SCRN1: variants seen among roughly 807,000 people sequenced by gnomAD.
SCRN1 encodes secernin-1.
A neutral mutation model predicts 43.3 loss-of-function variants in SCRN1; 19 were observed. The observed-to-expected ratio is 0.44, with a 90% CI of 0.31 to 0.64. SCRN1 has a LOEUF of 0.64. Among genes scored for constraint, SCRN1 ranks in the 30% least tolerant of loss-of-function variants. The pLI is 0.09. For missense variants in SCRN1, 447 were observed against 524.1 expected, an observed-to-expected ratio of 0.85 and a Z score of 1.44; for synonymous variants, 183 against 188.9, an observed-to-expected ratio of 0.97 and a Z score of 0.26.
At chr7:29,986,417 TTCA>T (rs1157320724) in intron 1 of SCRN1, among the ~76,000 whole-genome samples, 2 of 152,136 alleles carry the variant, frequency 1.3e-5, no homozygotes, top group African/African-American at 2.4e-5. Flanking sequence ...AAATTCTTTC[TTCA>T]TATTAAATTT....
intron 1 of SCRN1, among the ~76,000 whole-genome samples, chr7:29,982,784 G>A (rs1789029621): frequency 6.6e-6 from 1 of 151,358 alleles, no homozygotes; most frequent in South Asian, 2.1e-4. Context: ...ACTCCAAAAT[G>A]CTCTTAAACA....
At chr7:29,928,464 CTAATT>C (rs1332974719) in intron 6 of SCRN1, among the ~76,000 whole-genome samples, 1 of 152,192 alleles carries the variant, frequency 6.6e-6, no homozygotes, top group South Asian at 2.1e-4. Flanking sequence ...GGGGCCCAGA[CTAATT>C]TAATTTGAGT....
At position 29,923,726 on chromosome 7, in the gene SCRN1, G is replaced by A. The variant is rs975321021; in HGVS notation, c.*231C>T. On this transcript the variant is annotated 3_prime_UTR_variant, in exon 8 of 8. Coordinates refer to ENST00000242059, the MANE Select transcript of SCRN1 (RefSeq NM_014766.5). ...AAAATCCACAATTAGTCACACAACC[G>A]AACAACAGGCAACGGGATACATGTT... 8 of 448,990 alleles carry A rather than the reference G, an allele frequency of 1.8e-5. No homozygotes were observed. The highest frequency in any genetic ancestry group is 7.9e-5 in the Admixed American group (2 of 25,424). 27.8% of individuals were successfully genotyped at this position (448,990 alleles called of 1,614,324 possible).
intron 1 of SCRN1, among the ~76,000 whole-genome samples, chr7:29,979,901 G>A (rs113051113): frequency 0.019 from 2,917 of 152,182 alleles, 40 homozygotes; most frequent in East Asian, 0.041. Context: ...ATGGCAGGTT[G>A]GAAAACAATT....
intron 2 of SCRN1, among the ~76,000 whole-genome samples, chr7:29,959,757 G>A (rs1788246080): frequency 1.3e-5 from 2 of 151,950 alleles, no homozygotes; most frequent in Admixed American, 1.3e-4. Flanking sequence ...AAGATCTTTG[G>A]GGAGGAACAA....
At position 29,944,010 on chromosome 7, in the gene SCRN1, T is replaced by G. The variant is rs957350306; in HGVS notation, c.511A>C (p.Ile171Leu). The part of the protein sequence containing the change: ...DRDEAWVLET[I>L]GKYWAAEKVT... Reference sequence around the variant, plus strand: ...TTCTCGGCAGCCCAGTACTTCCCTATGGTCTCGAGCACCCAGGCTTCATCA... The same window carrying G: ...TTCTCGGCAGCCCAGTACTTCCCTAGGGTCTCGAGCACCCAGGCTTCATCA... The change falls in exon 4 of 8, where the codon ATA becomes CTA. Residue 171 changes from isoleucine (I) to leucine (L), a missense_variant. Physicochemically the swap from Ile to Leu is conservative, Grantham distance 5. Transcript: ENST00000242059. 2 of 1,614,208 alleles carry G rather than the reference T, an allele frequency of 1.2e-6. No homozygotes were observed. Among genetic ancestry groups the G allele is most frequent in the South Asian group, 1.1e-5 (1 of 91,084 alleles).
At chr7:29,926,236 CA>C (rs1786947782) in intron 7 of SCRN1, among the ~76,000 whole-genome samples, 1 of 152,138 alleles carries the variant, frequency 6.6e-6, no homozygotes, top group Non-Finnish European at 1.5e-5. Flanking sequence ...ACATGAGAAG[CA>C]GAAGCTTTGT....
chr7:29,969,251 C>A (rs144722865), intron 1 of SCRN1, 183 bp from the exon 2 acceptor site: 1 of 633,714 alleles, frequency 1.6e-6, no homozygotes, highest in South Asian at 2.0e-5. Flanking sequence ...ACAGAGCCAC[C>A]GAGACCAGAT....
chr7:29,947,698 C>G (rs1787779210), intron 3 of SCRN1, among the ~76,000 whole-genome samples: 1 of 152,236 alleles, frequency 6.6e-6, no homozygotes, highest in Non-Finnish European at 1.5e-5. Flanking sequence ...GAAGTGATTG[C>G]TTGTCCCCCT....
chr7:29,935,642 C>A (rs562974798), intron 6 of SCRN1, among the ~76,000 whole-genome samples: 5 of 152,292 alleles, frequency 3.3e-5, no homozygotes, highest in African/African-American at 1.2e-4. Flanking sequence ...TTTGAAAACT[C>A]CTCCAAGTGA....
At chr7:29,960,007 AAGGGAGGGAGGG>A (rs375751882) in intron 2 of SCRN1, among the ~76,000 whole-genome samples, 11 of 88,964 alleles carry the variant, frequency 1.2e-4, no homozygotes, top group Middle Eastern at 5.7e-3. Flanking sequence ...GGAAGGAAGG[AAGGGAGGGAGGG>A]AGGGAGGGAG....
At chr7:29,975,818 CAT>C (rs1278014441) in intron 1 of SCRN1, among the ~76,000 whole-genome samples, 1 of 152,202 alleles carries the variant, frequency 6.6e-6, no homozygotes, top group Non-Finnish European at 1.5e-5. Flanking sequence ...ATTTAACTCC[CAT>C]AGATGGGTAA....
chr7:29,956,468 T>C (rs994132231), intron 2 of SCRN1, among the ~76,000 whole-genome samples: 1 of 152,266 alleles, frequency 6.6e-6, no homozygotes, highest in Non-Finnish European at 1.5e-5. Context: ...AGGAATCATT[T>C]ACATTTTAAA....
chr7:29,940,965 A>C, intron 4 of SCRN1, 89 bp from the exon 5 acceptor site: 1 of 1,106,208 alleles, frequency 9.0e-7, no homozygotes, highest in Non-Finnish European at 1.2e-6. Context: ...CCTTTTCCTG[A>C]AACACTGACT....
chr7:29,979,816 A>G (rs1158226386), intron 1 of SCRN1, among the ~76,000 whole-genome samples: 1 of 152,230 alleles, frequency 6.6e-6, no homozygotes. Context: ...TGTAGGATTC[A>G]TTTTCACTTA....
intron 1 of SCRN1, among the ~76,000 whole-genome samples, chr7:29,971,243 A>G (rs1446283401): frequency 6.6e-6 from 1 of 152,146 alleles, no homozygotes; most frequent in Non-Finnish European, 1.5e-5. Context: ...CCTCTTGCAA[A>G]TGTTTTGCCA....
chr7:29,948,239 A>G (rs1787799829), intron 3 of SCRN1, among the ~76,000 whole-genome samples: 1 of 152,202 alleles, frequency 6.6e-6, no homozygotes, highest in Non-Finnish European at 1.5e-5. Flanking sequence ...TCCCTGGCTT[A>G]GCCACCTTCT....
chr7:29,990,000 C>T (rs923279151), upstream of SCRN1: 5 of 1,437,368 alleles, frequency 3.5e-6, no homozygotes, highest in Admixed American at 8.0e-5. Context: ...CGTATCTCGC[C>T]GCAGAAAGTG....
chr7:29,987,507 C>T (rs1012716065), intron 1 of SCRN1, among the ~76,000 whole-genome samples: 1 of 152,162 alleles, frequency 6.6e-6, no homozygotes, highest in African/African-American at 2.4e-5. Context: ...GTACTTCTTG[C>T]CTCAAAGACT....
Sources: allele counts gnomAD v4.1 joint callset (sites outside exome capture counted in the v4.1 genomes callset), GRCh38; gene constraint gnomAD v4.1.1; transcripts MANE v1.5; gene names NCBI Gene and HGNC (gene_info 2026-07-23, HGNC 2026-07-21).